FBN2: variants seen among roughly 807,000 people sequenced by gnomAD.
FBN2 encodes fibrillin 2.
Under a neutral mutation model 355.6 loss-of-function variants are expected in FBN2, and 105 were observed. The ratio of observed to expected loss-of-function variants is 0.30; its 90% CI spans 0.25 to 0.35. The LOEUF (loss-of-function observed/expected upper bound fraction) is 0.35. Ranked by LOEUF, FBN2 falls within the 10% of genes least tolerant of loss-of-function variation. The probability of loss-of-function intolerance (pLI) is 1.00; values close to 1 mark genes in which losing one functional copy is unlikely to be tolerated. For synonymous variants in FBN2, 1,350 were observed against 1,301.2 expected (o/e 1.04, Z -0.81); for missense variants, 3,280 against 3,758.7 (o/e 0.87, Z 3.33).
In FBN2 at chr5:128,536,444, G is replaced by C. The variant is rs1756849074; in HGVS notation, c.295C>G (p.Pro99Ala). Residue 99 changes from proline to alanine, a missense_variant, in exon 2 of 65, where the codon CCT (proline) becomes GCT (alanine). Pro to Ala is a conservative substitution (Grantham distance 27, BLOSUM62 -1). This residue lies in a region of FBN2 where 203 missense variants were observed against 142.2 expected (regional missense o/e 1.43). Transcript: ENST00000262464. ...CGSRFHSYCCPGWKTLPGGNQ... is the reference protein window; with the variant it reads ...CGSRFHSYCCAGWKTLPGGNQ... ...CCTCCAGGGAGCGTCTTCCATCCAGGGCAGCAGTAGGAGTGGAATCTGGAG... is the reference window on the plus strand; with the variant it reads ...CCTCCAGGGAGCGTCTTCCATCCAGCGCAGCAGTAGGAGTGGAATCTGGAG... 17 of 1,614,098 alleles carry C rather than the reference G, an allele frequency of 1.1e-5. No individual in the cohort carries two copies. The highest frequency in any genetic ancestry group is 1.4e-5 in the Non-Finnish European group (17 of 1,180,012).
chr5:128,379,696 T>C (rs1209498769), intron 11 of FBN2, among the ~76,000 whole-genome samples: 1 of 152,106 alleles, frequency 6.6e-6, no homozygotes, highest in Non-Finnish European at 1.5e-5. Flanking sequence ...TCTGGACTAG[T>C]TAAATCCCAG....
Position 128,386,523 on chromosome 5 carries a change from C to G in FBN2, c.1603+5495G>C, listed in dbSNP as rs77583047. On this transcript the variant is annotated intron_variant, in intron 11 of 64. Coordinates refer to ENST00000262464, the MANE Select transcript of FBN2 (RefSeq NM_001999.4). Reference sequence around the variant, plus strand: ...TATTCAGGCCATTTTTTTGGTTCCACATGAATTTTAAAATAGGTTTTTTTC... The same window carrying G: ...TATTCAGGCCATTTTTTTGGTTCCAGATGAATTTTAAAATAGGTTTTTTTC... 2.0e-5 allele frequency among the ~76,000 whole-genome samples: 3 copies of G among 151,950 alleles called. No individual in the cohort carries two copies. In the East Asian group the frequency reaches 5.8e-4, roughly 29 times the overall value.
rs1174196230 is a variant in FBN2 at position 128,335,159 on chromosome 5, A to G, written c.3973+11T>C. The G allele has an allele frequency of 3.1e-6, 5 of 1,614,022 alleles. No individual in the cohort carries two copies. Among genetic ancestry groups the G allele is most frequent in the Non-Finnish European group, 4.2e-6 (5 of 1,179,986 alleles). On this transcript the variant is annotated intron_variant, in intron 30 of 64. Coordinates refer to ENST00000262464, the MANE Select transcript of FBN2 (RefSeq NM_001999.4). ...TGTGTATAAATGTTTATCCTTTCTT[A>G]TGATACCCACCAATGCATGTTTTCA...
intron 5 of FBN2, among the ~76,000 whole-genome samples, chr5:128,484,889 T>C (rs2127115555): frequency 6.6e-6 from 1 of 152,218 alleles, no homozygotes; most frequent in Admixed American, 6.5e-5. Context: ...TCAGTGACAA[T>C]ACGATCACAC....
At chr5:128,306,280 T>C (rs954592555) in intron 42 of FBN2, among the ~76,000 whole-genome samples, 1 of 152,220 alleles carries the variant, frequency 6.6e-6, no homozygotes, top group Non-Finnish European at 1.5e-5. Context: ...GTTTTCATCA[T>C]TGTATGTATT....
intron 36 of FBN2, among the ~76,000 whole-genome samples, chr5:128,317,894 C>T (rs1343860901): frequency 1.3e-5 from 2 of 152,192 alleles, no homozygotes; most frequent in Non-Finnish European, 2.9e-5. Context: ...GCAACCTGGG[C>T]CACTGCCTTA....
chr5:128,374,228 T>C (rs1752023255), intron 15 of FBN2, among the ~76,000 whole-genome samples: 1 of 152,202 alleles, frequency 6.6e-6, no homozygotes, highest in Admixed American at 6.5e-5. Flanking sequence ...TTACATACCA[T>C]AGAATCCATC....
At chr5:128,502,871 A>G (rs1755855207) in intron 5 of FBN2, among the ~76,000 whole-genome samples, 1 of 152,232 alleles carries the variant, frequency 6.6e-6, no homozygotes, top group Non-Finnish European at 1.5e-5. Flanking sequence ...ATGTGCTATG[A>G]CACTTTCTTT....
chr5:128,506,268 G>T (rs906907206), intron 5 of FBN2, among the ~76,000 whole-genome samples: 1 of 152,214 alleles, frequency 6.6e-6, no homozygotes, highest in East Asian at 1.9e-4. Context: ...TGGGAGAAGA[G>T]ATACCCCACA....
intron 62 of FBN2, among the ~76,000 whole-genome samples, chr5:128,269,525 A>G (rs1765211750): frequency 6.6e-6 from 1 of 151,986 alleles, no homozygotes; most frequent in African/African-American, 2.4e-5. Context: ...AAGCAACTTC[A>G]GCGAAGCCTC....
At chr5:128,300,780 A>AACT (rs1160321942) in intron 48 of FBN2, 37 bp downstream of exon 48, 1 of 1,609,422 alleles carries the variant, frequency 6.2e-7, no homozygotes, top group Non-Finnish European at 8.5e-7. Flanking sequence ...TACTATACTG[A>AACT]ACTACTAGTG....
intron 5 of FBN2, among the ~76,000 whole-genome samples, chr5:128,503,215 C>G (rs1755863110): frequency 6.6e-6 from 1 of 152,184 alleles, no homozygotes; most frequent in Non-Finnish European, 1.5e-5. Flanking sequence ...CACCTTCTGC[C>G]ATGATTATGA....
chr5:128,371,055 A>G (rs1274441882), intron 15 of FBN2: 2 of 151,580 alleles, frequency 1.3e-5, no homozygotes, highest in Admixed American at 6.6e-5. Context: ...CTGAAATACT[A>G]AAAAAAATGG....
At chr5:128,271,973 G>T (rs1247519008) in intron 62 of FBN2, 26 bp downstream of exon 62, 1 of 1,613,352 alleles carries the variant, frequency 6.2e-7, no homozygotes, top group Non-Finnish European at 8.5e-7. Flanking sequence ...AGAAAAGCAA[G>T]TGCGATGGAA....
intron 5 of FBN2, among the ~76,000 whole-genome samples, chr5:128,491,342 T>C (rs1041017207): frequency 2.0e-5 from 3 of 152,224 alleles, no homozygotes; most frequent in African/African-American, 7.2e-5. Context: ...TTTTAGAACA[T>C]TGTAAACTTT....
chr5:128,290,977 A>C, intron 49 of FBN2, 93 bp from the exon 50 acceptor site: 2 of 1,218,972 alleles, frequency 1.6e-6, no homozygotes, highest in South Asian at 2.5e-5. Flanking sequence ...TGCAGACTAG[A>C]TCAGCAGTTA....
intron 56 of FBN2, among the ~76,000 whole-genome samples, chr5:128,279,681 A>C (rs1765485774): frequency 6.6e-6 from 1 of 152,160 alleles, no homozygotes; most frequent in African/African-American, 2.4e-5. Context: ...CAGCTGCCAT[A>C]ATTAACTACA....
chr5:128,532,481 T>C lies in FBN2; in HGVS notation c.338-1788A>G, dbSNP rs1756735091. Among the ~76,000 whole-genome samples the C allele has an allele frequency of 2.6e-5, 4 of 152,230 alleles. No homozygotes were observed. In the South Asian group the frequency reaches 8.3e-4, roughly 32 times the overall value. On this transcript the variant is annotated intron_variant, in intron 2 of 64. Transcript: ENST00000262464. ...TTAGGAGCTGAGAGATTTCTCTCTA[T>C]AACCATAATTGAGTTCTCTCTTTCG... is the stretch of plus-strand genomic sequence containing the variant.
chr5:128,353,687 G>C (rs1751427256), intron 20 of FBN2, among the ~76,000 whole-genome samples: 1 of 152,154 alleles, frequency 6.6e-6, no homozygotes, highest in Admixed American at 6.5e-5. Flanking sequence ...GGAACTGGAA[G>C]GCTTTCTATG....
Sources: gnomAD v4.1 joint callset for allele counts (sites outside exome capture counted in the v4.1 genomes callset) on GRCh38, gnomAD v4.1.1 for gene constraint, gnomAD v4.1.1 regional missense constraint, MANE v1.5 for transcripts, NCBI Gene and HGNC (gene_info 2026-07-23, HGNC 2026-07-21) for gene names.